Variants in TFDP1 observed in about 807,000 individuals in gnomAD.
The protein encoded by TFDP1 is DRTF1-polypeptide 1.
TFDP1 carries 6 observed loss-of-function variants against 48.0 expected under a neutral mutation model. The ratio of observed to expected loss-of-function variants is 0.13; its 90% CI spans 0.07 to 0.25. The LOEUF is 0.25. TFDP1 is among the 10% of genes least tolerant of loss of function. The probability of loss-of-function intolerance (pLI) is 1.00; values close to 1 mark genes in which losing one functional copy is unlikely to be tolerated. For missense variants in TFDP1, 335 were observed against 543.0 expected, an observed-to-expected ratio of 0.62 and a Z score of 3.81; for synonymous variants, 201 against 211.6, an observed-to-expected ratio of 0.95 and a Z score of 0.44.
intron 4 of TFDP1, among the ~76,000 whole-genome samples, chr13:113,629,487 A>C (rs2140556146): frequency 6.6e-6 from 1 of 152,334 alleles, no homozygotes; most frequent in African/African-American, 2.4e-5. Flanking sequence ...ACATGCATTC[A>C]GTGGAAACTG....
intron 11 of TFDP1, 84 bp downstream of exon 11, chr13:113,637,980 T>G: frequency 6.5e-7 from 1 of 1,548,868 alleles, no homozygotes; most frequent in Admixed American, 1.8e-5. Flanking sequence ...CCGTCTCAGG[T>G]GTGGCCATCA....
chr13:113,599,856 G>T (rs936090345), intron 2 of TFDP1, among the ~76,000 whole-genome samples: 1 of 150,644 alleles, frequency 6.6e-6, no homozygotes, highest in Non-Finnish European at 1.5e-5. Flanking sequence ...CCAGGACCGT[G>T]AAAGAGAACC....
intron 2 of TFDP1, among the ~76,000 whole-genome samples, chr13:113,608,272 C>G (rs540934738): frequency 5.3e-5 from 8 of 152,246 alleles, no homozygotes; most frequent in Non-Finnish European, 1.2e-4. Flanking sequence ...GTCCCTGGCC[C>G]TGTACTTTTT....
chr13:113,614,232 GTGAGT>G (rs1453020117), intron 3 of TFDP1, among the ~76,000 whole-genome samples: 5 of 151,874 alleles, frequency 3.3e-5, no homozygotes, highest in East Asian at 3.9e-4. Flanking sequence ...GTGTGCGTGT[GTGAGT>G]TGAGTGTGAG....
At chr13:113,609,609 T>G (rs2048656325) in intron 2 of TFDP1, among the ~76,000 whole-genome samples, 1 of 151,912 alleles carries the variant, frequency 6.6e-6, no homozygotes, top group Admixed American at 6.5e-5. Flanking sequence ...CTGCCTCCCC[T>G]GTGTCCCCTG....
intron 4 of TFDP1, among the ~76,000 whole-genome samples, chr13:113,625,611 C>T (rs200527556): frequency 0.019 from 579 of 30,490 alleles, 13 homozygotes; most frequent in Admixed American, 0.033. Context: ...TGTCTTCAGG[C>T]GTCTCTCACG....
chr13:113,636,142 G>T lies in TFDP1; in HGVS notation c.839+14G>T. The T allele has an allele frequency of 6.2e-7, 1 of 1,613,624 alleles. No homozygotes were observed. The highest frequency in any genetic ancestry group is 8.5e-7 in the Non-Finnish European group (1 of 1,179,768). The stretch of plus-strand genomic sequence containing the variant: ...CTCCAATGACAAGTAGGTTGTGGGC[G>T]GGGAGCTGTTCCCTGGTCACCCATC... On this transcript the variant is annotated intron_variant, in intron 9 of 11. Coordinates refer to ENST00000375370, the MANE Select transcript of TFDP1 (RefSeq NM_007111.5).
chr13:113,633,213 C>T lies in TFDP1; in HGVS notation c.402C>T (p.Ser134=), dbSNP rs753040337. 6.2e-7 allele frequency: 1 copy of T among 1,614,096 alleles called. No homozygotes were observed. The highest frequency in any genetic ancestry group is 8.5e-7 in the Non-Finnish European group (1 of 1,180,010). Residue 134 remains serine (S), a synonymous_variant, in exon 6 of 12, where the codon TCC becomes TCT. Transcript: ENST00000375370. This position sits in a 1 kb window ranked among gnomAD's most constrained non-coding sequence, Gnocchi z 4.5. ...CEKVQRKGTT[S]YNEVADELVA... ...AGGTGCAGAGGAAAGGGACCACTTCCTACAACGAAGTGGCAGACGAGCTGG... is the reference window on the plus strand; with the variant it reads ...AGGTGCAGAGGAAAGGGACCACTTCTTACAACGAAGTGGCAGACGAGCTGG...
chr13:113,634,466 G>A (rs532999034), intron 7 of TFDP1, 68 bp from the exon 8 acceptor site: 1 of 1,308,414 alleles, frequency 7.6e-7, no homozygotes, highest in African/African-American at 1.5e-5. Context: ...ATGTGAGGAT[G>A]TGGGTTTTAA....
chr13:113,612,246 T>C (rs936681869), intron 3 of TFDP1, among the ~76,000 whole-genome samples: 1 of 152,162 alleles, frequency 6.6e-6, no homozygotes, highest in Non-Finnish European at 1.5e-5. Flanking sequence ...TTGGGGCCTG[T>C]CCCTAGGTCC....
rs1309214033 is a variant in TFDP1, at chr13:113,607,201, C to T, written c.13-3795C>T. ...GGCGGCAGCGGCAGCACTGTTGCTG[C>T]GGCTGAGACAGCGCAGGGCGTCATT... On this transcript the variant is annotated intron_variant, in intron 2 of 11. Coordinates refer to ENST00000375370, the MANE Select transcript of TFDP1 (RefSeq NM_007111.5). This position sits in a 1 kb window ranked among gnomAD's most constrained non-coding sequence, Gnocchi z 5.2. 1.3e-5 allele frequency among the ~76,000 whole-genome samples: 2 copies of T among 152,150 alleles called. No homozygotes were observed. The highest frequency in any genetic ancestry group is 2.9e-5 in the Non-Finnish European group (2 of 68,028).
At chr13:113,622,361 C>T (rs531278864) in intron 3 of TFDP1, among the ~76,000 whole-genome samples, 80 of 152,176 alleles carry the variant, frequency 5.3e-4, no homozygotes, top group Admixed American at 3.9e-4. Context: ...TGGGGCACTG[C>T]GAGCCCCTTG....
At chr13:113,597,559 C>T (rs954573772) in intron 2 of TFDP1, among the ~76,000 whole-genome samples, 3 of 152,324 alleles carry the variant, frequency 2.0e-5, no homozygotes, top group South Asian at 2.1e-4. Flanking sequence ...TCTGTGTGCT[C>T]GCCTGTCCCA....
At chr13:113,587,331 A>G (rs908760622) in intron 2 of TFDP1, among the ~76,000 whole-genome samples, 1 of 151,744 alleles carries the variant, frequency 6.6e-6, no homozygotes, top group East Asian at 1.9e-4. Context: ...AGGGGTTGTG[A>G]TCTGAGTTGG....
In TFDP1 at chr13:113,623,970, G is replaced by T. The variant is rs1051755796; in HGVS notation, c.186+684G>T. ...CCAGAAATGGGGCCCCAGGCACTTG[G>T]TGGGCAGGTTTGGCTGTGACTGGAG... On this transcript the variant is annotated intron_variant, in intron 4 of 11. Coordinates refer to ENST00000375370, the MANE Select transcript of TFDP1 (RefSeq NM_007111.5). The surrounding 1 kb of genome is among the most constrained non-coding windows in gnomAD (Gnocchi z 5.2). Among the ~76,000 whole-genome samples the T allele has an allele frequency of 2.0e-4, 31 of 152,304 alleles. No individual in the cohort carries two copies. The highest frequency in any genetic ancestry group is 3.3e-4 in the Admixed American group (5 of 15,308).
chr13:113,633,016 C>T lies in TFDP1; in HGVS notation c.309-104C>T. 4 of 1,470,950 alleles carry T rather than the reference C, an allele frequency of 2.7e-6. No individual in the cohort carries two copies. The highest frequency in any genetic ancestry group is 3.7e-6 in the Non-Finnish European group (4 of 1,081,620). The allele number at this position is 1,470,950 out of a possible 1,614,324, so 91.1% of individuals were successfully genotyped here. ...CTGCTGCGCCCGTGGGACGTGGCCCCTTTTTGTGCAGCTCATTAGAGCTCT... is the reference window on the plus strand; with the variant it reads ...CTGCTGCGCCCGTGGGACGTGGCCCTTTTTTGTGCAGCTCATTAGAGCTCT... On this transcript the variant is annotated intron_variant, in intron 5 of 11. Transcript: ENST00000375370. The surrounding 1 kb of genome is among the most constrained non-coding windows in gnomAD (Gnocchi z 4.5).
intron 3 of TFDP1, among the ~76,000 whole-genome samples, chr13:113,615,037 C>A (rs2048823322): frequency 6.6e-6 from 1 of 152,134 alleles, no homozygotes; most frequent in Non-Finnish European, 1.5e-5. Flanking sequence ...CTGACTGTCA[C>A]ACCCTTCGAG....
Position 113,628,064 on chromosome 13 carries a change from G to A in TFDP1, c.187-3559G>A, listed in dbSNP as rs191644733. Reference sequence around the variant, plus strand: ...GCGTGGAAGCTGCAAAAGCTTTAGAGTCGAAAGACTGTGTCTGAAGCCGTG... The same window carrying A: ...GCGTGGAAGCTGCAAAAGCTTTAGAATCGAAAGACTGTGTCTGAAGCCGTG... On this transcript the variant is annotated intron_variant, in intron 4 of 11. Transcript: ENST00000375370. Among the ~76,000 whole-genome samples, 10 of 152,332 alleles carry A rather than the reference G, an allele frequency of 6.6e-5. No individual in the cohort carries two copies. The East Asian group carries it at 1.9e-3, about 29-fold the overall frequency.
At chr13:113,588,116 C>T (rs986766705) in intron 2 of TFDP1, among the ~76,000 whole-genome samples, 10 of 152,256 alleles carry the variant, frequency 6.6e-5, no homozygotes, top group Non-Finnish European at 1.5e-4. Flanking sequence ...TCCCAAAGTG[C>T]TGGGATTACA....
Sources: allele counts gnomAD v4.1 joint callset (sites outside exome capture counted in the v4.1 genomes callset), GRCh38; gene constraint gnomAD v4.1.1; non-coding constraint Gnocchi (gnomAD v3.1); transcripts MANE v1.5; gene names NCBI Gene and HGNC (gene_info 2026-07-23, HGNC 2026-07-21).